The following ZNF423 variants were observed in gnomAD, a reference collection of about 807,000 sequenced individuals.
The protein encoded by ZNF423 is Ebf-associated zinc finger protein.
In ZNF423, 12 loss-of-function variants were observed where a neutral mutation model predicts 95.8. The ratio of observed to expected loss-of-function variants is 0.13; its 90% CI spans 0.08 to 0.20. ZNF423 has a LOEUF of 0.20. Among genes scored for constraint, ZNF423 ranks in the 10% least tolerant of loss-of-function variants. The pLI is 1.00. For synonymous variants in ZNF423, 749 were observed against 711.9 expected (o/e 1.05, Z -0.83); for missense variants, 1,316 against 1,737.1 (o/e 0.76, Z 4.31).
At chr16:49,696,148 G>A (rs2031961391) in intron 3 of ZNF423, among the ~76,000 whole-genome samples, 1 of 152,232 alleles carries the variant, frequency 6.6e-6, no homozygotes, top group South Asian at 2.1e-4. Context: ...GAAGGGAGAA[G>A]GCATGGAGCC....
At chr16:49,554,961 A>G (rs974224843) in intron 5 of ZNF423, among the ~76,000 whole-genome samples, 22 of 152,084 alleles carry the variant, frequency 1.4e-4, no homozygotes, top group Non-Finnish European at 3.1e-4. Flanking sequence ...TTGGATGTAA[A>G]GTGCTTTAAA....
intron 5 of ZNF423, among the ~76,000 whole-genome samples, chr16:49,621,037 C>G (rs1972060093): frequency 6.6e-6 from 1 of 152,218 alleles, no homozygotes; most frequent in South Asian, 2.1e-4. Context: ...CAGCAGCCCC[C>G]CCGGGGAGCC....
At chr16:49,580,492 C>T (rs2151800788) in intron 5 of ZNF423, among the ~76,000 whole-genome samples, 1 of 152,346 alleles carries the variant, frequency 6.6e-6, no homozygotes, top group Admixed American at 6.5e-5. Flanking sequence ...GCAGAGCAGT[C>T]TCTCAAATGT....
At chr16:49,648,076 A>G (rs1973245659) in intron 3 of ZNF423, among the ~76,000 whole-genome samples, 1 of 152,180 alleles carries the variant, frequency 6.6e-6, no homozygotes, top group Non-Finnish European at 1.5e-5. Context: ...ATCAGAGAAA[A>G]CCTAAATCAC....
At chr16:49,576,384 A>G (rs1001691109) in intron 5 of ZNF423, among the ~76,000 whole-genome samples, 2 of 152,308 alleles carry the variant, frequency 1.3e-5, no homozygotes, top group Middle Eastern at 3.4e-3. Context: ...CAAGAGCAGT[A>G]GCTGGGCTGG....
At chr16:49,653,378 C>T (rs1033056534) in intron 3 of ZNF423, among the ~76,000 whole-genome samples, 3 of 151,460 alleles carry the variant, frequency 2.0e-5, no homozygotes, top group African/African-American at 7.3e-5. Context: ...CTCCAGCCGC[C>T]GGAGGGAACA....
intron 1 of ZNF423, 78 bp from the exon 2 acceptor site, chr16:49,789,624 A>G: frequency 6.9e-7 from 1 of 1,444,258 alleles, no homozygotes. Flanking sequence ...GGCGAGGAAG[A>G]AGGAACATTT....
chr16:49,547,504 G>T (rs988862088), intron 5 of ZNF423, among the ~76,000 whole-genome samples: 2 of 152,214 alleles, frequency 1.3e-5, no homozygotes, highest in Admixed American at 6.5e-5. Context: ...GGTAACAAAG[G>T]TTCTCAGAGG....
chr16:49,806,781 C>T lies in ZNF423; in HGVS notation c.41-17235G>A, dbSNP rs998616532. 3.3e-5 allele frequency among the ~76,000 whole-genome samples: 5 copies of T among 152,050 alleles called. No individual in the cohort carries two copies. In the South Asian group the frequency reaches 8.3e-4, roughly 25 times the overall value. ...CTGTGACTCACGCCTGTAATCCCAG[C>T]ACTTTGGGAGGCCAAGGCAGGCAGA... is the stretch of plus-strand genomic sequence containing the variant. On this transcript the variant is annotated intron_variant, in intron 1 of 7. Coordinates refer to ENST00000563137, the MANE Select transcript of ZNF423 (RefSeq NM_001379286.1).
At chr16:49,684,708 G>A (rs2031494449) in intron 3 of ZNF423, among the ~76,000 whole-genome samples, 1 of 152,200 alleles carries the variant, frequency 6.6e-6, no homozygotes, top group Admixed American at 6.5e-5. Flanking sequence ...TGTAGGGGGT[G>A]GAACCCGCAT....
intron 1 of ZNF423, among the ~76,000 whole-genome samples, chr16:49,793,060 G>A (rs772868185): frequency 2.0e-5 from 3 of 152,034 alleles, no homozygotes; most frequent in East Asian, 1.9e-4. Flanking sequence ...GAGCCACCAC[G>A]CCTGGTTTTT....
intron 7 of ZNF423, among the ~76,000 whole-genome samples, chr16:49,510,371 T>C (rs1289888906): frequency 6.6e-6 from 1 of 152,180 alleles, no homozygotes; most frequent in Non-Finnish European, 1.5e-5. Flanking sequence ...GGGGTGGACG[T>C]TGACTGTGCT....
At chr16:49,663,564 A>AC (rs2030365531) in intron 3 of ZNF423, among the ~76,000 whole-genome samples, 1 of 152,110 alleles carries the variant, frequency 6.6e-6, no homozygotes. Flanking sequence ...CGGCAGCTGC[A>AC]CTCTGGTGGC....
At chr16:49,626,967 C>T (rs1596739808) in intron 4 of ZNF423, among the ~76,000 whole-genome samples, 2 of 102,688 alleles carry the variant, frequency 1.9e-5, no homozygotes, top group African/African-American at 5.6e-5. Flanking sequence ...TCCATCTACC[C>T]ATCCATCCAT....
intron 3 of ZNF423, among the ~76,000 whole-genome samples, chr16:49,702,644 G>C (rs1381420925): frequency 6.6e-6 from 1 of 152,330 alleles, no homozygotes. Context: ...GCTTGGTCTT[G>C]ACAGCATTAA....
chr16:49,771,104 A>G (rs1428191203), intron 2 of ZNF423, among the ~76,000 whole-genome samples: 2 of 151,762 alleles, frequency 1.3e-5, no homozygotes, highest in Non-Finnish European at 2.9e-5. Context: ...AGTAAGACTA[A>G]GCATAACACC....
chr16:49,513,069 G>A (rs1314544851), intron 7 of ZNF423, among the ~76,000 whole-genome samples: 1 of 152,188 alleles, frequency 6.6e-6, no homozygotes, highest in Non-Finnish European at 1.5e-5. Flanking sequence ...GCACACTCCA[G>A]ACTGGGTGAC....
chr16:49,760,459 C>T (rs944525565), intron 2 of ZNF423, among the ~76,000 whole-genome samples: 1 of 152,120 alleles, frequency 6.6e-6, no homozygotes, highest in Admixed American at 6.5e-5. Context: ...TTACTTGCCA[C>T]GGACCCATCA....
At chr16:49,754,175 G>T (rs929768504) in intron 2 of ZNF423, among the ~76,000 whole-genome samples, 1 of 152,142 alleles carries the variant, frequency 6.6e-6, no homozygotes, top group African/African-American at 2.4e-5. Flanking sequence ...TGTTGAGCAA[G>T]GCAGTGGCAT....
Sources: allele counts gnomAD v4.1 joint callset (sites outside exome capture counted in the v4.1 genomes callset), GRCh38; gene constraint gnomAD v4.1.1; transcripts MANE v1.5; gene names NCBI Gene and HGNC (gene_info 2026-07-23, HGNC 2026-07-21).